Variants in SNX4 observed in about 807,000 individuals in gnomAD.
SNX4 encodes sorting nexin-4.
In SNX4, 49 loss-of-function variants were observed where a neutral mutation model predicts 70.8. The observed-to-expected ratio is 0.69, with a 90% CI of 0.55 to 0.88. The LOEUF is 0.88. Among genes scored for constraint, SNX4 ranks in the 40% least tolerant of loss-of-function variants. The pLI, the probability that SNX4 is intolerant of heterozygous loss-of-function variation, is 0.00. For synonymous variants in SNX4, 206 were observed against 183.8 expected (o/e 1.12, Z -0.98); for missense variants, 528 against 544.8 (o/e 0.97, Z 0.31).
chr3:125,458,814 CAAAAAAAAAAAAAA>C (rs71148180), intron 10 of SNX4, among the ~76,000 whole-genome samples: 4 of 64,498 alleles, frequency 6.2e-5, no homozygotes, highest in African/African-American at 1.9e-4. Context: ...GACTCCGTCT[CAAAAAAAAAAAAAA>C]AAAAAAAAAA....
At chr3:125,465,704 G>A (rs1432794822) in intron 9 of SNX4, among the ~76,000 whole-genome samples, 2 of 151,996 alleles carry the variant, frequency 1.3e-5, no homozygotes, top group South Asian at 2.1e-4. Context: ...GTGCAGTGGT[G>A]TGGTCTCGGC....
chr3:125,465,130 C>T (rs1453728212), intron 9 of SNX4, among the ~76,000 whole-genome samples: 2 of 152,112 alleles, frequency 1.3e-5, no homozygotes, highest in Admixed American at 6.6e-5. Flanking sequence ...GATCTACTCA[C>T]GTTTGCCTGC....
intron 8 of SNX4, among the ~76,000 whole-genome samples, chr3:125,476,331 G>A (rs77358267): frequency 0.088 from 13,077 of 148,858 alleles, 706 homozygotes; most frequent in Admixed American, 0.16. Flanking sequence ...CAGCACTTTC[G>A]GAGGCCTAGG....
At chr3:125,464,083 T>C (rs886768961) in intron 9 of SNX4, among the ~76,000 whole-genome samples, 1 of 152,132 alleles carries the variant, frequency 6.6e-6, no homozygotes, top group African/African-American at 2.4e-5. Flanking sequence ...ACATACATAA[T>C]ATAAAATTTA....
chr3:125,504,557 T>C, intron 2 of SNX4, 66 bp downstream of exon 2: 1 of 1,441,570 alleles, frequency 6.9e-7, no homozygotes, highest in African/African-American at 1.4e-5. Flanking sequence ...TACAGCAGAG[T>C]CTGCATCAAT....
At chr3:125,482,693 C>G (rs555949472) in intron 6 of SNX4, among the ~76,000 whole-genome samples, 1 of 152,070 alleles carries the variant, frequency 6.6e-6, no homozygotes, top group South Asian at 2.1e-4. Flanking sequence ...TGTAATGTGG[C>G]TTAAAAAACT....
chr3:125,462,993 A>T (rs1179458022), intron 9 of SNX4, among the ~76,000 whole-genome samples: 1 of 152,196 alleles, frequency 6.6e-6, no homozygotes, highest in Non-Finnish European at 1.5e-5. Flanking sequence ...TAAATTCCAT[A>T]AGGACAGGGG....
intron 6 of SNX4, among the ~76,000 whole-genome samples, chr3:125,485,329 A>C (rs1035628223): frequency 1.3e-5 from 2 of 151,780 alleles, no homozygotes; most frequent in African/African-American, 4.8e-5. Flanking sequence ...ACAGAGTCTC[A>C]CTCTGCCACC....
At chr3:125,507,380 T>C (rs1935072392) in intron 1 of SNX4, among the ~76,000 whole-genome samples, 1 of 151,444 alleles carries the variant, frequency 6.6e-6, no homozygotes, top group African/African-American at 2.4e-5. Flanking sequence ...GGAAGGAAAG[T>C]AAACAGAGCT....
At chr3:125,489,038 G>A (rs1186626251) in intron 6 of SNX4, among the ~76,000 whole-genome samples, 1 of 152,036 alleles carries the variant, frequency 6.6e-6, no homozygotes, top group Non-Finnish European at 1.5e-5. Context: ...AAACTAGACG[G>A]TTCATTATTA....
At chr3:125,467,550 G>A (rs1020216465) in intron 9 of SNX4, among the ~76,000 whole-genome samples, 16 of 151,912 alleles carry the variant, frequency 1.1e-4, no homozygotes, top group Admixed American at 7.9e-4. Flanking sequence ...ACCATCTCAC[G>A]CTAGTCAGAA....
At chr3:125,467,869 C>T (rs1224694690) in intron 9 of SNX4, among the ~76,000 whole-genome samples, 1 of 152,162 alleles carries the variant, frequency 6.6e-6, no homozygotes, top group Non-Finnish European at 1.5e-5. Flanking sequence ...ACCATTCAAC[C>T]CAGCAGTCTC....
At chr3:125,494,820 T>C (rs1278164044) in intron 5 of SNX4, among the ~76,000 whole-genome samples, 1 of 152,144 alleles carries the variant, frequency 6.6e-6, no homozygotes, top group Non-Finnish European at 1.5e-5. Context: ...AATACTGAAC[T>C]CATCTATGAT....
chr3:125,507,191 G>GAA (rs753584700), intron 1 of SNX4, among the ~76,000 whole-genome samples: 9 of 90,808 alleles, frequency 9.9e-5, no homozygotes, highest in African/African-American at 1.6e-4. Context: ...CTGGGTGATA[G>GAA]AAAAAAAAAA....
intron 8 of SNX4, among the ~76,000 whole-genome samples, chr3:125,473,745 A>G (rs1297848570): frequency 1.3e-5 from 2 of 152,156 alleles, no homozygotes; most frequent in Non-Finnish European, 2.9e-5. Flanking sequence ...TATAACTCCA[A>G]GCATTATTGA....
At chr3:125,499,644 T>G (rs1934880722) in intron 2 of SNX4, among the ~76,000 whole-genome samples, 1 of 151,684 alleles carries the variant, frequency 6.6e-6, no homozygotes, top group African/African-American at 2.4e-5. Flanking sequence ...TGGGTTAATC[T>G]CAAGTTTCAA....
At chr3:125,451,087 G>A (rs1448442314) in intron 13 of SNX4, among the ~76,000 whole-genome samples, 2 of 151,844 alleles carry the variant, frequency 1.3e-5, no homozygotes, top group South Asian at 2.1e-4. Flanking sequence ...GCAACATAGC[G>A]AGACCCCCCC....
chr3:125,456,012 A>G (rs74487985), intron 11 of SNX4, among the ~76,000 whole-genome samples: 6,423 of 152,300 alleles, frequency 0.042, 178 homozygotes, highest in Non-Finnish European at 0.065. Flanking sequence ...AAAAACAAAC[A>G]AACAAACAAA....
intron 1 of SNX4, among the ~76,000 whole-genome samples, chr3:125,515,810 G>A (rs906660771): frequency 6.6e-6 from 1 of 152,110 alleles, no homozygotes; most frequent in Non-Finnish European, 1.5e-5. Context: ...TGCTTTGGGA[G>A]GTGAAATGGG....
Sources: gnomAD v4.1 joint callset for allele counts (sites outside exome capture counted in the v4.1 genomes callset) on GRCh38, gnomAD v4.1.1 for gene constraint, MANE v1.5 for transcripts, NCBI Gene and HGNC (gene_info 2026-07-23, HGNC 2026-07-21) for gene names.